ARB2A: variants seen among roughly 807,000 people sequenced by gnomAD.
ARB2A encodes the protein ARB2 cotranscriptional regulator A, also known as cotranscriptional regulator ARB2A.
At chr5:93,691,483 G>T in the ARB2A span, among the ~76,000 whole-genome samples, 1 of 151,920 alleles carries the variant, frequency 6.6e-6, no homozygotes, top group Non-Finnish European at 1.5e-5. Context: ...AGAGAAAAAA[G>T]AATGAAAAGG....
the ARB2A span, among the ~76,000 whole-genome samples, chr5:94,096,572 A>G: frequency 6.6e-6 from 1 of 152,208 alleles, no homozygotes; most frequent in Non-Finnish European, 1.5e-5. Context: ...AAGGGCCCAA[A>G]TCCACAGTCT....
At chr5:93,753,146 T>C in the ARB2A span, among the ~76,000 whole-genome samples, 1 of 152,190 alleles carries the variant, frequency 6.6e-6, no homozygotes, top group South Asian at 2.1e-4. Flanking sequence ...TTCAATTACC[T>C]GATTAATTTG....
chr5:93,928,563 A>G, the ARB2A span, among the ~76,000 whole-genome samples: 1 of 152,142 alleles, frequency 6.6e-6, no homozygotes. Context: ...TTTTTATCTA[A>G]GCACAGGCAA....
At chr5:93,948,454 T>G in the ARB2A span, among the ~76,000 whole-genome samples, 1 of 152,170 alleles carries the variant, frequency 6.6e-6, no homozygotes, top group African/African-American at 2.4e-5. Flanking sequence ...TCCCATTTTG[T>G]AGGCTGCCTG....
chr5:93,952,562 ATTTG>A, the ARB2A span, among the ~76,000 whole-genome samples: 2 of 152,182 alleles, frequency 1.3e-5, no homozygotes, highest in East Asian at 1.9e-4. Flanking sequence ...ATCGTATATT[ATTTG>A]TTTATTTTCT....
the ARB2A span, among the ~76,000 whole-genome samples, chr5:93,915,460 T>C: frequency 6.6e-6 from 1 of 151,582 alleles, no homozygotes; most frequent in South Asian, 2.1e-4. Flanking sequence ...GAACAAAGAC[T>C]TTTATTTCAT....
chr5:93,835,929 C>G, the ARB2A span, among the ~76,000 whole-genome samples: 4 of 152,114 alleles, frequency 2.6e-5, no homozygotes, highest in South Asian at 4.2e-4. Flanking sequence ...TCAATAAAAT[C>G]CAAATGGAAG....
the ARB2A span, among the ~76,000 whole-genome samples, chr5:94,041,523 A>C: frequency 6.8e-6 from 1 of 147,890 alleles, no homozygotes; most frequent in Non-Finnish European, 1.5e-5. Flanking sequence ...TAATTGATTT[A>C]ATAATAATAA....
chr5:94,066,369 T>C, the ARB2A span, among the ~76,000 whole-genome samples: 1 of 145,160 alleles, frequency 6.9e-6, no homozygotes, highest in South Asian at 2.2e-4. Flanking sequence ...ATCAACAAAA[T>C]AAAAGGTAAC....
At chr5:93,630,646 T>G in the ARB2A span, among the ~76,000 whole-genome samples, 1 of 151,962 alleles carries the variant, frequency 6.6e-6, no homozygotes, top group African/African-American at 2.4e-5. Flanking sequence ...CTTGGGGCAG[T>G]TTAAGATTCA....
chr5:93,780,082 T>C, the ARB2A span, among the ~76,000 whole-genome samples: 3 of 152,244 alleles, frequency 2.0e-5, no homozygotes, highest in African/African-American at 7.2e-5. Flanking sequence ...CTACCTTGGT[T>C]GAGGCTTGAT....
At chr5:93,896,609 G>C in the ARB2A span, among the ~76,000 whole-genome samples, 1 of 152,028 alleles carries the variant, frequency 6.6e-6, no homozygotes, top group South Asian at 2.1e-4. Context: ...AAACATGTTA[G>C]ATGAATGCTA....
chr5:94,079,911 G>A, the ARB2A span, among the ~76,000 whole-genome samples: 16 of 152,120 alleles, frequency 1.1e-4, no homozygotes, highest in Non-Finnish European at 1.6e-4. Flanking sequence ...GTAATCATCT[G>A]TTTAGGTATT....
the ARB2A span, among the ~76,000 whole-genome samples, chr5:93,934,555 G>T: frequency 2.6e-5 from 4 of 152,152 alleles, no homozygotes; most frequent in Non-Finnish European, 4.4e-5. Flanking sequence ...TTTGCCTGTA[G>T]TTGGGTTAGA....
the ARB2A span, among the ~76,000 whole-genome samples, chr5:93,997,398 T>G: frequency 6.6e-6 from 1 of 152,078 alleles, no homozygotes; most frequent in African/African-American, 2.4e-5. Flanking sequence ...TATTGAATAC[T>G]TCTTCCAAGA....
At chr5:93,976,484 G>A in the ARB2A span, among the ~76,000 whole-genome samples, 2 of 152,074 alleles carry the variant, frequency 1.3e-5, no homozygotes, top group African/African-American at 4.8e-5. Context: ...ATCTCATCTC[G>A]AATTGTAATC....
chr5:94,013,432 T>G, the ARB2A span, among the ~76,000 whole-genome samples: 1 of 152,098 alleles, frequency 6.6e-6, no homozygotes, highest in Non-Finnish European at 1.5e-5. Flanking sequence ...TGCCTCAGCC[T>G]CCCAAAGTGC....
At chr5:93,848,768 A>G in the ARB2A span, among the ~76,000 whole-genome samples, 2 of 152,228 alleles carry the variant, frequency 1.3e-5, no homozygotes, top group Non-Finnish European at 2.9e-5. Flanking sequence ...CATATGCTAT[A>G]AAGATTGTTG....
the ARB2A span, among the ~76,000 whole-genome samples, chr5:93,663,038 C>T: frequency 1.3e-5 from 2 of 151,974 alleles, no homozygotes; most frequent in Non-Finnish European, 2.9e-5. Flanking sequence ...TAAAGGGAAC[C>T]TAATTGCATT....
Sources: gnomAD v4.1 joint callset for allele counts (sites outside exome capture counted in the v4.1 genomes callset) on GRCh38, gnomAD v4.1.1 for gene constraint, MANE v1.5 for transcripts, NCBI Gene and HGNC (gene_info 2026-07-23, HGNC 2026-07-21) for gene names.